SATB1: variants seen among roughly 807,000 people sequenced by gnomAD.
SATB1 encodes SATB homeobox 1.
In SATB1, 11 loss-of-function variants were observed where a neutral mutation model predicts 86.9. That is an observed-to-expected ratio of 0.13 (90% CI 0.08 to 0.21). The LOEUF is 0.21. Ranked by LOEUF, SATB1 falls within the 10% of genes least tolerant of loss-of-function variation. The pLI is 1.00. For missense variants in SATB1, 551 were observed against 937.6 expected, an observed-to-expected ratio of 0.59 and a Z score of 5.39; for synonymous variants, 357 against 357.2, an observed-to-expected ratio of 1.00 and a Z score of 0.01.
chr3:18,444,526 G>T lies in SATB1; in HGVS notation c.-25+992C>A. On this transcript the variant is annotated intron_variant, in intron 1 of 3. Transcript: ENST00000415069. This position sits in a 1 kb window ranked among gnomAD's most constrained non-coding sequence, Gnocchi z 5.1. ...GGAGTGGGTGCTACGGAGAAGTTTG[G>T]ATTGATTCCGGAAAAAGAGGGACAG... The T allele has an allele frequency of 1.0e-6, 1 of 961,716 alleles. No homozygotes were observed. Among genetic ancestry groups the T allele is most frequent in the Non-Finnish European group, 1.2e-6 (1 of 808,416 alleles). 59.6% of individuals were successfully genotyped at this position (961,716 alleles called of 1,614,324 possible).
chr3:18,428,215 T>A (rs1211452821), upstream of SATB1, among the ~76,000 whole-genome samples: 1 of 152,022 alleles, frequency 6.6e-6, no homozygotes. Flanking sequence ...CTCTGCAGAG[T>A]CCTGTGGTGG....
intron 9 of SATB1, among the ~76,000 whole-genome samples, chr3:18,375,244 G>A (rs1318111466): frequency 2.6e-5 from 4 of 152,188 alleles, no homozygotes; most frequent in African/African-American, 7.2e-5. Flanking sequence ...GAGAAATGCA[G>A]AGAATTTGGA....
intron 9 of SATB1, among the ~76,000 whole-genome samples, chr3:18,372,807 T>A (rs1252189408): frequency 3.9e-5 from 6 of 152,214 alleles, no homozygotes; most frequent in African/African-American, 1.4e-4. Context: ...TTTAGAAAAT[T>A]GAATCCAATA....
At chr3:18,438,940 G>A (rs955771856), upstream of SATB1, among the ~76,000 whole-genome samples, 2 of 152,178 alleles carry the variant, frequency 1.3e-5, no homozygotes, top group African/African-American at 4.8e-5. Flanking sequence ...GCCTCATCTG[G>A]GGACCTGCAC....
intron 9 of SATB1, among the ~76,000 whole-genome samples, chr3:18,365,022 C>A (rs772345555): frequency 2.0e-5 from 3 of 151,942 alleles, no homozygotes; most frequent in Admixed American, 6.6e-5. Flanking sequence ...AAGGTCCCTG[C>A]CCCCATTCAA....
rs186685344 is a variant in SATB1 at position 18,392,991 on chromosome 3, G to A, written c.1206+1471C>T. 4.7e-3 allele frequency among the ~76,000 whole-genome samples: 691 copies of A among 146,670 alleles called. 6 individuals are homozygous for A. The highest frequency in any genetic ancestry group is 0.015 in the African/African-American group (607 of 40,176). On this transcript the variant is annotated intron_variant, in intron 7 of 10. Coordinates refer to ENST00000338745, the MANE Select transcript of SATB1 (RefSeq NM_002971.6). Reference sequence around the variant, plus strand: ...AACGTACAAAAAAAAAAAAAAAGATGAATCGACTGAAAACAAACACTGAAT... The same window carrying A: ...AACGTACAAAAAAAAAAAAAAAGATAAATCGACTGAAAACAAACACTGAAT...
At chr3:18,417,688 C>G (rs919346169) in intron 2 of SATB1, 1 of 698,800 alleles carries the variant, frequency 1.4e-6, no homozygotes, top group East Asian at 2.7e-5. Context: ...TCATAATACA[C>G]AATTTCAATA....
At chr3:18,416,507 A>G (rs1049905499) in intron 3 of SATB1, among the ~76,000 whole-genome samples, 4 of 152,158 alleles carry the variant, frequency 2.6e-5, no homozygotes, top group Admixed American at 6.6e-5. Context: ...ATTGAAAAAT[A>G]CTTTGCAGCC....
intron 7 of SATB1, among the ~76,000 whole-genome samples, chr3:18,390,083 A>G (rs1469474422): frequency 6.6e-6 from 1 of 152,192 alleles, no homozygotes; most frequent in African/African-American, 2.4e-5. Flanking sequence ...TAGTAGTTGT[A>G]AAAGAAAGAA....
At chr3:18,363,741 T>C (rs1695038500) in intron 9 of SATB1, among the ~76,000 whole-genome samples, 1 of 152,172 alleles carries the variant, frequency 6.6e-6, no homozygotes, top group Non-Finnish European at 1.5e-5. Context: ...GTACCATCTA[T>C]GTGCTAGTCA....
intron 9 of SATB1, among the ~76,000 whole-genome samples, chr3:18,362,847 T>C (rs1454317859): frequency 1.2e-5 from 1 of 86,798 alleles, no homozygotes; most frequent in African/African-American, 4.4e-5. Flanking sequence ...TGAATATTCA[T>C]ATATGCCATG....
At position 18,420,789 on chromosome 3, in the gene SATB1, G is replaced by A. The variant is rs774428895; in HGVS notation, c.179C>T (p.Ser60Leu). 15 of 1,613,908 alleles carry A rather than the reference G, an allele frequency of 9.3e-6. No homozygotes were observed. The highest frequency in any genetic ancestry group is 3.3e-5 in the South Asian group (3 of 91,076). Residue 60 changes from serine to leucine, a missense_variant, in exon 2 of 11, where the codon TCG becomes TTG. Physicochemically the swap from Ser to Leu is moderately radical, Grantham distance 145. Transcript: ENST00000338745. ...AKMQGVPLKH[S>L]GHLMKTNLRK... ...AAGGTTGGTTTTCATCAGATGGCCC[G>A]AGTGTTTTAAAGGCACTCCCTGCAT...
chr3:18,368,987 C>T (rs1415767068), intron 9 of SATB1, among the ~76,000 whole-genome samples: 4 of 152,138 alleles, frequency 2.6e-5, no homozygotes, highest in East Asian at 1.9e-4. Context: ...CTGCATTTCG[C>T]CAGGTTATCT....
chr3:18,437,970 TTGTC>T (rs1285016944), intron 1 of SATB1, among the ~76,000 whole-genome samples: 1 of 152,188 alleles, frequency 6.6e-6, no homozygotes, highest in Non-Finnish European at 1.5e-5. Context: ...ATGATTTCCA[TTGTC>T]TGTTTCACTA....
chr3:18,422,625 GATT>G (rs1343915247), intron 1 of SATB1, among the ~76,000 whole-genome samples: 4 of 152,192 alleles, frequency 2.6e-5, no homozygotes, highest in African/African-American at 9.7e-5. Context: ...AGAAAGAGAT[GATT>G]ATTAACTTAT....
At chr3:18,397,384 T>C (rs2125121313) in intron 5 of SATB1, 94 bp from the exon 6 acceptor site, 4 of 766,258 alleles carry the variant, frequency 5.2e-6, no homozygotes, top group Non-Finnish European at 9.1e-6. Context: ...ATTTTTTTAA[T>C]CAACTGAGTA....
At chr3:18,356,042 A>G (rs552848827) in intron 9 of SATB1, among the ~76,000 whole-genome samples, 1 of 152,046 alleles carries the variant, frequency 6.6e-6, no homozygotes, top group Admixed American at 6.6e-5. Flanking sequence ...TTTCTATTCA[A>G]AATCACGCCT....
At chr3:18,405,729 C>G (rs1697498960) in intron 5 of SATB1, among the ~76,000 whole-genome samples, 1 of 151,950 alleles carries the variant, frequency 6.6e-6, no homozygotes, top group African/African-American at 2.4e-5. Context: ...ATTTCAGGGT[C>G]TGCACAGATT....
At chr3:18,437,147 T>A (rs952863347) in intron 1 of SATB1, among the ~76,000 whole-genome samples, 1 of 152,152 alleles carries the variant, frequency 6.6e-6, no homozygotes, top group African/African-American at 2.4e-5. Context: ...CTAAAATTAT[T>A]CCACAAAAAG....
Sources: gnomAD v4.1 joint callset for allele counts (sites outside exome capture counted in the v4.1 genomes callset) on GRCh38, gnomAD v4.1.1 for gene constraint, Gnocchi (gnomAD v3.1) non-coding constraint, MANE v1.5 for transcripts, NCBI Gene and HGNC (gene_info 2026-07-23, HGNC 2026-07-21) for gene names.